The following RPS6KC1 variants were observed in gnomAD, a reference collection of about 807,000 sequenced individuals.
The protein encoded by RPS6KC1 is ribosomal protein S6 kinase C1.
In RPS6KC1, 54 loss-of-function variants were observed where a neutral mutation model predicts 103.8. The ratio of observed to expected loss-of-function variants is 0.52; its 90% CI spans 0.42 to 0.65. The LOEUF is 0.65. Among genes scored for constraint, RPS6KC1 ranks in the 30% least tolerant of loss-of-function variants. The pLI is 0.00. For missense variants in RPS6KC1, 1,151 were observed against 1,253.8 expected, an observed-to-expected ratio of 0.92 and a Z score of 1.24; for synonymous variants, 439 against 438.7, an observed-to-expected ratio of 1.00 and a Z score of -0.01.
the RPS6KC1 span, among the ~76,000 whole-genome samples, chr1:213,460,405 C>CTTTT: frequency 1.8e-5 from 2 of 111,158 alleles, no homozygotes; most frequent in Non-Finnish European, 1.9e-5. Flanking sequence ...GCAACCCCTG[C>CTTTT]TTTTTTTTTT....
chr1:213,628,948 C>T, the RPS6KC1 span, among the ~76,000 whole-genome samples: 25 of 152,120 alleles, frequency 1.6e-4, no homozygotes, highest in Non-Finnish European at 2.9e-5. Context: ...GTCTAAGAGA[C>T]AGTTTGTTGT....
chr1:213,480,490 T>C, the RPS6KC1 span, among the ~76,000 whole-genome samples: 1 of 150,634 alleles, frequency 6.6e-6, no homozygotes. Flanking sequence ...AATCTTGATG[T>C]ACTTATCAGT....
chr1:213,094,921 A>C (rs2081318578), intron 3 of RPS6KC1, among the ~76,000 whole-genome samples: 1 of 152,232 alleles, frequency 6.6e-6, no homozygotes, highest in Admixed American at 6.5e-5. Context: ...TTTATAAATC[A>C]TAACCTTAGC....
the RPS6KC1 span, among the ~76,000 whole-genome samples, chr1:213,516,190 C>G: frequency 6.6e-6 from 1 of 152,156 alleles, no homozygotes; most frequent in East Asian, 1.9e-4. Flanking sequence ...GACAATTTGA[C>G]TTCCTCTTTT....
chr1:213,440,258 G>A, the RPS6KC1 span, among the ~76,000 whole-genome samples: 1 of 152,118 alleles, frequency 6.6e-6, no homozygotes, highest in Non-Finnish European at 1.5e-5. Context: ...AGTAGTTATT[G>A]AGCATCCTAT....
rs59318173 is a variant in RPS6KC1, at chr1:213,118,021, C to CAAAA, written c.472+626_472+629dup. On this transcript the variant is annotated intron_variant, in intron 5 of 14. Coordinates refer to ENST00000366960, the MANE Select transcript of RPS6KC1 (RefSeq NM_012424.6). ...TGGACAACAAAGCAAGACTTTGTCT[C>CAAAA]AAAAAAAAAAAAAAAAAAGCCTTAC... 2.4e-3 allele frequency among the ~76,000 whole-genome samples: 81 copies of CAAAA among 34,192 alleles called. 12 individuals are homozygous for CAAAA. Among genetic ancestry groups the CAAAA allele is most frequent in the Non-Finnish European group, 4.1e-3 (69 of 17,020 alleles). The allele number at this position is 34,192 out of a possible 152,430, so 22.4% of individuals were successfully genotyped here.
At chr1:213,817,872 A>G in the RPS6KC1 span, 1 of 151,914 alleles carries the variant, frequency 6.6e-6, no homozygotes, top group African/African-American at 2.4e-5. Context: ...TTCTAACGGC[A>G]TGTGCTCGCT....
the RPS6KC1 span, among the ~76,000 whole-genome samples, chr1:213,768,864 T>C: frequency 1.3e-5 from 2 of 152,204 alleles, no homozygotes; most frequent in African/African-American, 4.8e-5. Context: ...GAACTCTATT[T>C]AGCCATTTCA....
chr1:213,526,142 G>C, the RPS6KC1 span, among the ~76,000 whole-genome samples: 1 of 152,178 alleles, frequency 6.6e-6, no homozygotes, highest in Admixed American at 6.5e-5. Flanking sequence ...AGGAAGAGAG[G>C]AGGGCACAGA....
intron 3 of RPS6KC1, among the ~76,000 whole-genome samples, chr1:213,095,484 A>G (rs2081364612): frequency 1.3e-5 from 2 of 152,162 alleles, no homozygotes; most frequent in Non-Finnish European, 2.9e-5. Context: ...AATCAAACAG[A>G]GAGGCTTTAT....
intron 8 of RPS6KC1, among the ~76,000 whole-genome samples, chr1:213,180,537 A>G (rs2092203168): frequency 6.6e-6 from 1 of 152,220 alleles, no homozygotes; most frequent in South Asian, 2.1e-4. Flanking sequence ...TGAAAGATTG[A>G]TCATTGGGAT....
intron 1 of RPS6KC1, among the ~76,000 whole-genome samples, chr1:213,062,541 C>T (rs2077935054): frequency 6.6e-6 from 1 of 151,942 alleles, no homozygotes; most frequent in African/African-American, 2.4e-5. Context: ...TGGTGATAAT[C>T]AGATAAGAGA....
chr1:213,764,608 A>C, the RPS6KC1 span, among the ~76,000 whole-genome samples: 1 of 152,190 alleles, frequency 6.6e-6, no homozygotes, highest in African/African-American at 2.4e-5. Context: ...CATTGGCCTC[A>C]GTCCTCCTCT....
the RPS6KC1 span, among the ~76,000 whole-genome samples, chr1:213,295,462 C>G: frequency 6.6e-6 from 1 of 152,092 alleles, no homozygotes; most frequent in Non-Finnish European, 1.5e-5. Flanking sequence ...GCCAAGATAT[C>G]TTGTCATATG....
At chr1:213,297,123 C>G in the RPS6KC1 span, among the ~76,000 whole-genome samples, 9 of 152,182 alleles carry the variant, frequency 5.9e-5, no homozygotes, top group Admixed American at 1.3e-4. Context: ...CGTGCAAAGT[C>G]TTAAAGAGGG....
chr1:213,832,946 G>A, the RPS6KC1 span, among the ~76,000 whole-genome samples: 4 of 152,138 alleles, frequency 2.6e-5, no homozygotes, highest in Non-Finnish European at 5.9e-5. Context: ...CAGCCTGACA[G>A]AATAGTAATG....
the RPS6KC1 span, among the ~76,000 whole-genome samples, chr1:213,551,953 T>C: frequency 6.6e-6 from 1 of 152,344 alleles, no homozygotes; most frequent in South Asian, 2.1e-4. Flanking sequence ...TGGAATTATA[T>C]AGCATGTAGC....
the RPS6KC1 span, among the ~76,000 whole-genome samples, chr1:213,735,797 C>T: frequency 6.6e-6 from 1 of 152,180 alleles, no homozygotes; most frequent in Non-Finnish European, 1.5e-5. Flanking sequence ...ATAAATGTAA[C>T]ATTCTAATGT....
chr1:213,256,390 A>G (rs1314828728), intron 12 of RPS6KC1, among the ~76,000 whole-genome samples: 1 of 152,156 alleles, frequency 6.6e-6, no homozygotes, highest in Admixed American at 6.5e-5. Flanking sequence ...CGTGTCTTGG[A>G]CTAGCTAGCA....
Sources: allele counts gnomAD v4.1 joint callset (sites outside exome capture counted in the v4.1 genomes callset), GRCh38; gene constraint gnomAD v4.1.1; transcripts MANE v1.5; gene names NCBI Gene and HGNC (gene_info 2026-07-23, HGNC 2026-07-21).